The following SNTG2 variants were observed in gnomAD, a reference collection of about 807,000 sequenced individuals.
The protein encoded by SNTG2 is syntrophin gamma 2.
SNTG2 carries 74 observed loss-of-function variants against 70.9 expected under a neutral mutation model. The ratio of observed to expected loss-of-function variants is 1.04; its 90% CI spans 0.86 to 1.27. The LOEUF (loss-of-function observed/expected upper bound fraction) is 1.27, where lower values mean the gene tolerates loss of function less well. SNTG2 is among the 50% of genes most tolerant of loss of function. The pLI, the probability that SNTG2 is intolerant of heterozygous loss-of-function variation, is 0.00. For synonymous variants in SNTG2, 278 were observed against 273.8 expected (o/e 1.02, Z -0.15); for missense variants, 717 against 690.7 (o/e 1.04, Z -0.43).
intron 8 of SNTG2, among the ~76,000 whole-genome samples, chr2:1,200,920 A>G (rs1673235961): frequency 6.6e-6 from 1 of 152,034 alleles, no homozygotes; most frequent in South Asian, 2.1e-4. Flanking sequence ...GGATGAGGAG[A>G]AAATAGAAGT....
At chr2:1,046,441 C>T (rs1276470370) in intron 1 of SNTG2, among the ~76,000 whole-genome samples, 1 of 152,036 alleles carries the variant, frequency 6.6e-6, no homozygotes, top group African/African-American at 2.4e-5. Context: ...TGAATAGTTG[C>T]TTTATAGTTC....
At chr2:1,225,814 G>A (rs1458233232) in intron 9 of SNTG2, among the ~76,000 whole-genome samples, 1 of 152,188 alleles carries the variant, frequency 6.6e-6, no homozygotes, top group Non-Finnish European at 1.5e-5. Flanking sequence ...CTGCTCTTGA[G>A]TGACACCAGG....
intron 1 of SNTG2, among the ~76,000 whole-genome samples, chr2:987,450 C>T (rs150018941): frequency 1.3e-4 from 19 of 151,826 alleles, no homozygotes; most frequent in Admixed American, 8.5e-4. Context: ...CAGTGTGTCA[C>T]GGGGGCCTTT....
At chr2:1,241,026 A>G (rs572508991) in intron 11 of SNTG2, among the ~76,000 whole-genome samples, 2 of 152,330 alleles carry the variant, frequency 1.3e-5, no homozygotes, top group East Asian at 3.9e-4. Flanking sequence ...AGCCTTTATC[A>G]AGGCTGGTGG....
chr2:1,137,952 T>A, intron 6 of SNTG2, 143 bp downstream of exon 6: 1 of 866,278 alleles, frequency 1.2e-6, no homozygotes, highest in South Asian at 1.6e-5. Flanking sequence ...GTAAATCATG[T>A]TACAAAAGGA....
chr2:1,052,467 A>G (rs1035706644), intron 1 of SNTG2, among the ~76,000 whole-genome samples: 6 of 152,088 alleles, frequency 3.9e-5, no homozygotes, highest in Non-Finnish European at 8.8e-5. Context: ...CCCTTTCCTC[A>G]TCTGGCTGCT....
At chr2:982,772 C>G (rs1661152281) in intron 1 of SNTG2, among the ~76,000 whole-genome samples, 1 of 152,196 alleles carries the variant, frequency 6.6e-6, no homozygotes, top group East Asian at 1.9e-4. Flanking sequence ...GACCGTGGCC[C>G]TCATTCAACA....
chr2:1,301,452 T>C (rs1680452786), intron 14 of SNTG2, among the ~76,000 whole-genome samples: 1 of 152,172 alleles, frequency 6.6e-6, no homozygotes, highest in Non-Finnish European at 1.5e-5. Context: ...CTTCCCCACA[T>C]TGGCTAGAGA....
At chr2:974,126 T>G (rs1206468706) in intron 1 of SNTG2, among the ~76,000 whole-genome samples, 1 of 152,226 alleles carries the variant, frequency 6.6e-6, no homozygotes, top group African/African-American at 2.4e-5. Context: ...GGCCTCTTCT[T>G]TGGCCGGATG....
intron 1 of SNTG2, among the ~76,000 whole-genome samples, chr2:1,076,136 A>G (rs1663900901): frequency 6.6e-6 from 1 of 152,240 alleles, no homozygotes; most frequent in African/African-American, 2.4e-5. Context: ...ACCAGTATAC[A>G]GATGTATTTC....
chr2:1,043,627 A>G (rs925288843), intron 1 of SNTG2, among the ~76,000 whole-genome samples: 1 of 152,206 alleles, frequency 6.6e-6, no homozygotes, highest in Non-Finnish European at 1.5e-5. Context: ...AATCTTCTGC[A>G]TATGGCTAGC....
intron 8 of SNTG2, among the ~76,000 whole-genome samples, chr2:1,204,802 A>G (rs548983104): frequency 6.6e-6 from 1 of 152,330 alleles, no homozygotes; most frequent in South Asian, 2.1e-4. Context: ...ATATAACTAT[A>G]CGGTTTGGTA....
At chr2:1,017,548 GACAC>G (rs35969039) in intron 1 of SNTG2, among the ~76,000 whole-genome samples, 1 of 151,732 alleles carries the variant, frequency 6.6e-6, no homozygotes, top group Admixed American at 6.6e-5. Context: ...CACAGGCAGG[GACAC>G]ACACACACAT....
intron 1 of SNTG2, among the ~76,000 whole-genome samples, chr2:1,077,293 A>C (rs781196607): frequency 3.9e-5 from 6 of 152,152 alleles, no homozygotes; most frequent in Non-Finnish European, 7.3e-5. Context: ...ACCTGCCAAC[A>C]CCATATGGAC....
intron 8 of SNTG2, among the ~76,000 whole-genome samples, chr2:1,186,381 T>G (rs1290211681): frequency 6.6e-6 from 1 of 152,238 alleles, no homozygotes. Context: ...AAAGTCACTT[T>G]CACATTTTCA....
Position 1,083,607 on chromosome 2 carries a change from T to G in SNTG2, c.162T>G (p.Ile54Met), listed in dbSNP as rs779708704. Residue 54 changes from isoleucine (I) to methionine (M), a missense_variant, in exon 2 of 17, where the codon ATT (isoleucine) becomes ATG (methionine). Coordinates refer to ENST00000308624, the MANE Select transcript of SNTG2 (RefSeq NM_018968.4). ...RLKLTKEVLTIQKQDVVCVGG... is the reference protein window; with the variant it reads ...RLKLTKEVLTMQKQDVVCVGG... Reference sequence around the variant, plus strand: ...AGCTGACGAAAGAGGTGCTGACAATTCAGAAACAAGATGTTGTCTGTGTGG... The same window carrying G: ...AGCTGACGAAAGAGGTGCTGACAATGCAGAAACAAGATGTTGTCTGTGTGG... 9.6e-5 allele frequency: 155 copies of G among 1,613,598 alleles called. 1 individual carries two copies. In the South Asian group the frequency reaches 1.6e-3, roughly 17 times the overall value.
chr2:1,184,996 G>T (rs914296062), intron 8 of SNTG2, among the ~76,000 whole-genome samples: 4 of 151,954 alleles, frequency 2.6e-5, no homozygotes, highest in African/African-American at 9.7e-5. Flanking sequence ...ATTTTAAAAA[G>T]TTAGTTACTT....
chr2:1,342,230 A>C (rs1055794550), intron 16 of SNTG2, among the ~76,000 whole-genome samples: 1 of 86,248 alleles, frequency 1.2e-5, no homozygotes. Flanking sequence ...GAATTATGTT[A>C]TGATTACATT....
intron 2 of SNTG2, among the ~76,000 whole-genome samples, chr2:1,092,250 A>C (rs111254055): frequency 4.8e-4 from 64 of 133,868 alleles, no homozygotes; most frequent in African/African-American, 1.6e-3. Context: ...CTTCAATTAG[A>C]GAGAGAAAAA....
Sources: allele counts gnomAD v4.1 joint callset (sites outside exome capture counted in the v4.1 genomes callset), GRCh38; gene constraint gnomAD v4.1.1; transcripts MANE v1.5; gene names NCBI Gene and HGNC (gene_info 2026-07-23, HGNC 2026-07-21).